The following SLC37A3 variants were observed in gnomAD, a reference collection of about 807,000 sequenced individuals.
SLC37A3 encodes solute carrier family 37 member 3.
Under a neutral mutation model 67.1 loss-of-function variants are expected in SLC37A3, and 51 were observed. That is an observed-to-expected ratio of 0.76 (90% CI 0.61 to 0.96). The LOEUF (loss-of-function observed/expected upper bound fraction) is 0.96, where lower values mean the gene tolerates loss of function less well. Ranked by LOEUF, SLC37A3 falls within the 40% of genes least tolerant of loss-of-function variation. The pLI, the probability that SLC37A3 is intolerant of heterozygous loss-of-function variation, is 0.00. For synonymous variants in SLC37A3, 214 were observed against 231.4 expected, an observed-to-expected ratio of 0.92 and a Z score of 0.68; for missense variants, 508 against 603.0, an observed-to-expected ratio of 0.84 and a Z score of 1.65.
At chr7:140,385,910 G>GTAGC (rs1394246344) in intron 1 of SLC37A3, among the ~76,000 whole-genome samples, 2 of 152,102 alleles carry the variant, frequency 1.3e-5, no homozygotes, top group Non-Finnish European at 2.9e-5. Context: ...AGCCTCTCGA[G>GTAGC]TAGCTGGCAT....
At chr7:140,388,485 A>AT (rs1464507100) in intron 1 of SLC37A3, among the ~76,000 whole-genome samples, 2 of 151,550 alleles carry the variant, frequency 1.3e-5, no homozygotes, top group Non-Finnish European at 2.9e-5. Context: ...AAAAAAAAAA[A>AT]ATACTGGCAA....
At chr7:140,339,267 T>G (rs1338677238) in intron 13 of SLC37A3, among the ~76,000 whole-genome samples, 3 of 149,516 alleles carry the variant, frequency 2.0e-5, no homozygotes, top group South Asian at 2.1e-4. Flanking sequence ...CAGTTTTGTT[T>G]TTTTTTTTTT....
At chr7:140,387,027 T>A (rs1051347289) in intron 1 of SLC37A3, 1 of 152,216 alleles carries the variant, frequency 6.6e-6, no homozygotes, top group Non-Finnish European at 1.5e-5. Flanking sequence ...GTACAACACA[T>A]TTTAAAATAT....
At position 140,345,930 on chromosome 7, in the gene SLC37A3, C is replaced by T; in HGVS notation, c.1065G>A (p.Lys355=). 2 of 1,614,052 alleles carry T rather than the reference C, an allele frequency of 1.2e-6. No individual in the cohort carries two copies. Among genetic ancestry groups the T allele is most frequent in the Non-Finnish European group, 8.5e-7 (1 of 1,180,006 alleles). The part of the protein sequence containing the change: ...LQGFISDVLQ[K]RAPVLALSLL... ...GACTCAGGGCAAGAACCGGCGCTCT[C>T]TTCTGTAGTACATCAGAGATGAAGC... The change falls in exon 11 of 15, where the codon AAG becomes AAA. Residue 355 remains lysine (K), a synonymous_variant. Transcript: ENST00000326232.
At position 140,368,728 on chromosome 7, in the gene SLC37A3, C is replaced by T. The variant is rs142746264; in HGVS notation, c.291+862G>A. Among the ~76,000 whole-genome samples, 11 of 152,260 alleles carry T rather than the reference C, an allele frequency of 7.2e-5. No homozygotes were observed. The East Asian group carries it at 1.5e-3, about 21-fold the overall frequency. ...AGGTCAAATGTAATGCATCCAAAAG[C>T]GAGTCATCAAAGCTTTCTATCTCCC... On this transcript the variant is annotated intron_variant, in intron 4 of 14. Coordinates refer to ENST00000326232, the MANE Select transcript of SLC37A3 (RefSeq NM_207113.3).
At chr7:140,375,842 C>A (rs1798011310) in intron 3 of SLC37A3, among the ~76,000 whole-genome samples, 1 of 152,198 alleles carries the variant, frequency 6.6e-6, no homozygotes. Flanking sequence ...GAAAGCAGTG[C>A]AGGCTCACAC....
At chr7:140,394,707 C>T (rs1455046557) in intron 1 of SLC37A3, among the ~76,000 whole-genome samples, 3 of 151,124 alleles carry the variant, frequency 2.0e-5, no homozygotes, top group Admixed American at 1.3e-4. Context: ...CTCCCAGGTT[C>T]ATGCGATTCT....
chr7:140,358,836 C>T (rs754793628), intron 5 of SLC37A3, 51 bp from the exon 6 acceptor site: 1 of 1,606,708 alleles, frequency 6.2e-7, no homozygotes, highest in Middle Eastern at 1.7e-4. Flanking sequence ...CTGACACTTT[C>T]AGTGGACGCC....
chr7:140,363,080 G>GC (rs1305435981), intron 5 of SLC37A3, among the ~76,000 whole-genome samples: 1 of 89,548 alleles, frequency 1.1e-5, no homozygotes, highest in Admixed American at 9.7e-5. Flanking sequence ...GGGGGGGTCA[G>GC]CCCCCCGCCC....
Position 140,355,583 on chromosome 7 carries a change from A to G in SLC37A3, c.618+85T>C, listed in dbSNP as rs1796990643. On this transcript the variant is annotated intron_variant, in intron 7 of 14. Transcript: ENST00000326232. Reference sequence around the variant, plus strand: ...CAGTTCTACATAGTTTTAAATGGCCACAGTATTATTTAATACATAAAAAGC... The same window carrying G: ...CAGTTCTACATAGTTTTAAATGGCCGCAGTATTATTTAATACATAAAAAGC... 6.7e-6 allele frequency: 8 copies of G among 1,190,266 alleles called. No homozygotes were observed. The East Asian group carries it at 1.9e-4, about 28-fold the overall frequency. 73.7% of individuals were successfully genotyped at this position (1,190,266 alleles called of 1,614,324 possible). A position where few individuals can be genotyped will look rare whatever the true frequency, so the allele number is the denominator to read the frequency against.
chr7:140,392,138 T>C (rs1798747891), intron 1 of SLC37A3, among the ~76,000 whole-genome samples: 1 of 152,104 alleles, frequency 6.6e-6, no homozygotes, highest in African/African-American at 2.4e-5. Flanking sequence ...CTTGGAACTC[T>C]CAGTGGACAG....
intron 3 of SLC37A3, 26 bp from the exon 4 acceptor site, chr7:140,369,708 C>A: frequency 1.3e-6 from 2 of 1,597,994 alleles, no homozygotes; most frequent in South Asian, 2.2e-5. Flanking sequence ...AGGAACAGGT[C>A]AGTCCCTGTA....
intron 12 of SLC37A3, among the ~76,000 whole-genome samples, chr7:140,344,253 C>T (rs1017891323): frequency 4.6e-5 from 7 of 151,848 alleles, no homozygotes; most frequent in Admixed American, 1.3e-4. Flanking sequence ...CATGGTGAAA[C>T]GCTGTCTCTA....
chr7:140,364,849 C>T (rs906274115), intron 4 of SLC37A3, among the ~76,000 whole-genome samples: 5 of 152,172 alleles, frequency 3.3e-5, no homozygotes, highest in Non-Finnish European at 7.4e-5. Flanking sequence ...AAGAATGACT[C>T]TAATAAAACA....
intron 9 of SLC37A3, among the ~76,000 whole-genome samples, chr7:140,350,529 C>T (rs1310751190): frequency 6.6e-6 from 1 of 151,894 alleles, no homozygotes; most frequent in Admixed American, 6.6e-5. Flanking sequence ...TTCTGGGAGG[C>T]CAAAGTGGGC....
chr7:140,363,975 G>GCCT (rs2117169244), intron 5 of SLC37A3, among the ~76,000 whole-genome samples: 1 of 152,294 alleles, frequency 6.6e-6, no homozygotes, highest in African/African-American at 2.4e-5. Flanking sequence ...AGACTCATCT[G>GCCT]GCCAGGCGCA....
chr7:140,382,698 G>GA (rs1028092873), intron 1 of SLC37A3, 102 bp from the exon 2 acceptor site: 50 of 504,504 alleles, frequency 9.9e-5, no homozygotes, highest in Admixed American at 3.1e-4. Context: ...GGCCTTGTGG[G>GA]AAAAAAATCT....
At chr7:140,390,551 A>ATGG (rs1355063484) in intron 1 of SLC37A3, among the ~76,000 whole-genome samples, 3 of 151,920 alleles carry the variant, frequency 2.0e-5, no homozygotes, top group Non-Finnish European at 4.4e-5. Context: ...TTTGAAACTC[A>ATGG]CACCTTGGGG....
At chr7:140,353,019 G>A (rs1271256519) in intron 7 of SLC37A3, among the ~76,000 whole-genome samples, 1 of 152,086 alleles carries the variant, frequency 6.6e-6, no homozygotes, top group African/African-American at 2.4e-5. Flanking sequence ...TAGAATAAAG[G>A]TGGCCATGAA....
Sources: gnomAD v4.1 joint callset for allele counts (sites outside exome capture counted in the v4.1 genomes callset) on GRCh38, gnomAD v4.1.1 for gene constraint, MANE v1.5 for transcripts, NCBI Gene and HGNC (gene_info 2026-07-23, HGNC 2026-07-21) for gene names.